The following ROBO2 variants were observed in gnomAD, a reference collection of about 807,000 sequenced individuals.
ROBO2 encodes roundabout guidance receptor 2, also known as roundabout homolog 2.
Under a neutral mutation model 160.8 loss-of-function variants are expected in ROBO2, and 53 were observed. That is an observed-to-expected ratio of 0.33 (90% CI 0.26 to 0.41). ROBO2 has a LOEUF of 0.41. ROBO2 is among the 10% of genes least tolerant of loss of function. The pLI is 1.00. For synonymous variants in ROBO2, 664 were observed against 611.7 expected (o/e 1.09, Z -1.26); for missense variants, 1,577 against 1,722.4 (o/e 0.92, Z 1.49).
At chr3:76,897,930 T>C (rs2074933886) in intron 2 of ROBO2, among the ~76,000 whole-genome samples, 1 of 152,164 alleles carries the variant, frequency 6.6e-6, no homozygotes, top group Non-Finnish European at 1.5e-5. Flanking sequence ...TTGTTGTTTG[T>C]AGAATTTTCT....
At chr3:76,959,731 T>TA (rs1307691349) in intron 2 of ROBO2, among the ~76,000 whole-genome samples, 1 of 152,148 alleles carries the variant, frequency 6.6e-6, no homozygotes, top group Non-Finnish European at 1.5e-5. Flanking sequence ...TTGGAAATCA[T>TA]AAAAAACCTT....
chr3:76,679,016 A>T (rs2092485649), intron 2 of ROBO2, among the ~76,000 whole-genome samples: 1 of 152,106 alleles, frequency 6.6e-6, no homozygotes, highest in Admixed American at 6.5e-5. Flanking sequence ...ACCTCCACTC[A>T]TTAAGTTACA....
At chr3:76,874,113 T>G (rs3884331) in intron 2 of ROBO2, among the ~76,000 whole-genome samples, 2,231 of 152,186 alleles carry the variant, frequency 0.015, 35 homozygotes, top group African/African-American at 0.049. Context: ...TAAGTCACCC[T>G]GGGAATTTGA....
At chr3:76,886,303 T>C (rs376619818) in intron 2 of ROBO2, among the ~76,000 whole-genome samples, 6 of 151,744 alleles carry the variant, frequency 4.0e-5, no homozygotes, top group East Asian at 3.9e-4. Context: ...GATAACTTCA[T>C]TAAAGCTTTG....
chr3:76,767,882 G>T (rs895990985), intron 2 of ROBO2, among the ~76,000 whole-genome samples: 1 of 151,394 alleles, frequency 6.6e-6, no homozygotes, highest in African/African-American at 2.4e-5. Flanking sequence ...TCACTATTTT[G>T]TGGACATTAA....
intron 2 of ROBO2, among the ~76,000 whole-genome samples, chr3:76,322,505 C>A (rs904333511): frequency 2.0e-5 from 3 of 151,838 alleles, no homozygotes; most frequent in African/African-American, 7.3e-5. Flanking sequence ...ATTTTAAATG[C>A]CTTATGTATA....
intron 2 of ROBO2, among the ~76,000 whole-genome samples, chr3:76,792,721 CA>C (rs985626053): frequency 6.0e-5 from 9 of 151,040 alleles, no homozygotes; most frequent in African/African-American, 2.2e-4. Flanking sequence ...AGACAAAAAG[CA>C]AAAAACAACA....
intron 23 of ROBO2, chr3:77,629,775 T>A (rs957919427): frequency 6.6e-6 from 1 of 152,150 alleles, no homozygotes; most frequent in Non-Finnish European, 1.5e-5. Flanking sequence ...AAATTACACA[T>A]CAAATAATGT....
At chr3:76,878,482 A>G (rs1368170122) in intron 2 of ROBO2, among the ~76,000 whole-genome samples, 1 of 152,204 alleles carries the variant, frequency 6.6e-6, no homozygotes, top group Admixed American at 6.5e-5. Context: ...TTCCCACATA[A>G]ATAAGTATAA....
At chr3:76,290,312 T>A (rs1465588303) in intron 2 of ROBO2, among the ~76,000 whole-genome samples, 1 of 152,116 alleles carries the variant, frequency 6.6e-6, no homozygotes, top group Non-Finnish European at 1.5e-5. Context: ...TGAATGGAAT[T>A]TGGTTGTTTA....
chr3:76,995,161 C>A (rs1337601581), intron 2 of ROBO2, among the ~76,000 whole-genome samples: 4 of 134,388 alleles, frequency 3.0e-5, no homozygotes, highest in Non-Finnish European at 6.1e-5. Flanking sequence ...CAAGTGTTCT[C>A]ATTGTTCAAT....
At chr3:77,585,346 G>C (rs1432241334) in intron 16 of ROBO2, among the ~76,000 whole-genome samples, 3 of 151,066 alleles carry the variant, frequency 2.0e-5, no homozygotes, top group Admixed American at 1.3e-4. Flanking sequence ...CTGAACAATT[G>C]AACTGTAACT....
chr3:76,269,098 T>C (rs1174335862), intron 2 of ROBO2, among the ~76,000 whole-genome samples: 1 of 152,112 alleles, frequency 6.6e-6, no homozygotes, highest in Admixed American at 6.6e-5. Context: ...TAGTATTTGA[T>C]AGCACAGCAG....
chr3:76,109,414 A>G (rs2070113589), intron 2 of ROBO2, among the ~76,000 whole-genome samples: 1 of 152,044 alleles, frequency 6.6e-6, no homozygotes, highest in South Asian at 2.1e-4. Flanking sequence ...AGGTACCACT[A>G]CTACTAATAA....
intron 2 of ROBO2, among the ~76,000 whole-genome samples, chr3:76,689,513 A>AAT (rs928635096): frequency 3.3e-5 from 5 of 152,124 alleles, no homozygotes; most frequent in African/African-American, 4.8e-5. Context: ...GCTATTTTGA[A>AAT]ATATACAATA....
intron 15 of ROBO2, among the ~76,000 whole-genome samples, chr3:77,578,763 C>T (rs940465755): frequency 1.3e-5 from 2 of 151,994 alleles, no homozygotes; most frequent in African/African-American, 4.8e-5. Flanking sequence ...AACAAATTAT[C>T]TACTCTGTGT....
At position 76,108,286 on chromosome 3, in the gene ROBO2, A is replaced by G. The variant is rs896240939; in HGVS notation, c.109+170684A>G. On this transcript the variant is annotated intron_variant, in intron 2 of 26. Coordinates refer to the ROBO2 transcript ENST00000487694. Reference sequence around the variant, plus strand: ...TTATAAATTCTGAAAGTTTTTAATGAAAGATTGGTTTAGTTGTTATTATTT... The same window carrying G: ...TTATAAATTCTGAAAGTTTTTAATGGAAGATTGGTTTAGTTGTTATTATTT... 8.5e-5 allele frequency among the ~76,000 whole-genome samples: 13 copies of G among 152,148 alleles called. No individual in the cohort carries two copies. In the East Asian group the frequency reaches 2.5e-3, roughly 29 times the overall value.
chr3:76,894,385 T>C (rs569303900), intron 2 of ROBO2, among the ~76,000 whole-genome samples: 1 of 152,262 alleles, frequency 6.6e-6, no homozygotes, highest in South Asian at 2.1e-4. Context: ...AGAAGTCTTT[T>C]ATTTAGTATG....
At chr3:77,105,119 C>T (rs2072610791) in intron 2 of ROBO2, among the ~76,000 whole-genome samples, 1 of 152,098 alleles carries the variant, frequency 6.6e-6, no homozygotes, top group South Asian at 2.1e-4. Context: ...TTTTTTCTTT[C>T]ACTTGTCAGG....
Sources: allele counts gnomAD v4.1 joint callset (sites outside exome capture counted in the v4.1 genomes callset), GRCh38; gene constraint gnomAD v4.1.1; transcripts MANE v1.5; gene names NCBI Gene and HGNC (gene_info 2026-07-23, HGNC 2026-07-21).